The following DAAM1 variants were observed in gnomAD, a reference collection of about 807,000 sequenced individuals.
DAAM1 encodes the protein dishevelled associated activator of morphogenesis 1.
Under a neutral mutation model 130.0 loss-of-function variants are expected in DAAM1, and 52 were observed. That is an observed-to-expected ratio of 0.40 (90% CI 0.32 to 0.50). DAAM1 has a LOEUF of 0.50. DAAM1 is among the 20% of genes least tolerant of loss of function. DAAM1 has a pLI of 0.61. For synonymous variants in DAAM1, 452 were observed against 444.5 expected (o/e 1.02, Z -0.21); for missense variants, 1,134 against 1,303.8 (o/e 0.87, Z 2.01).
At chr14:59,289,256 C>T (rs1004737983) in intron 2 of DAAM1, among the ~76,000 whole-genome samples, 17 of 152,138 alleles carry the variant, frequency 1.1e-4, no homozygotes, top group African/African-American at 3.9e-4. Flanking sequence ...TAGGAACTCA[C>T]TCGCTCATCA....
At chr14:59,216,260 A>G (rs564453905) in intron 1 of DAAM1, among the ~76,000 whole-genome samples, 42 of 152,184 alleles carry the variant, frequency 2.8e-4, no homozygotes, top group Non-Finnish European at 1.3e-4. Context: ...CAGTTTTTCA[A>G]TGTACTGTGT....
intron 22 of DAAM1, 26 bp from the exon 23 acceptor site, chr14:59,363,625 G>A (rs1325582463): frequency 6.2e-6 from 10 of 1,613,434 alleles, no homozygotes; most frequent in Non-Finnish European, 8.5e-6. Context: ...AGCCTGCATT[G>A]ACATTATTCA....
At chr14:59,212,549 G>C (rs1200030396) in intron 1 of DAAM1, among the ~76,000 whole-genome samples, 5 of 152,156 alleles carry the variant, frequency 3.3e-5, no homozygotes, top group Non-Finnish European at 7.4e-5. Flanking sequence ...ACCAATACAG[G>C]AGACATGTTC....
intron 5 of DAAM1, among the ~76,000 whole-genome samples, chr14:59,322,576 A>G (rs1021601677): frequency 4.6e-5 from 7 of 152,068 alleles, no homozygotes; most frequent in Non-Finnish European, 1.0e-4. Context: ...GATGGTTTTA[A>G]TCTAAGACAA....
intron 3 of DAAM1, among the ~76,000 whole-genome samples, chr14:59,303,807 C>T (rs941778352): frequency 5.9e-5 from 9 of 151,784 alleles, no homozygotes; most frequent in South Asian, 4.2e-4. Flanking sequence ...GGTTGAGGCA[C>T]GAGAATTGCT....
intron 3 of DAAM1, among the ~76,000 whole-genome samples, chr14:59,296,650 T>C (rs1183697222): frequency 1.3e-5 from 2 of 152,176 alleles, no homozygotes; most frequent in Non-Finnish European, 2.9e-5. Flanking sequence ...ACAACCATTC[T>C]TTTACCACTT....
In DAAM1 at chr14:59,254,202, A is replaced by G. The variant is rs148175905; in HGVS notation, c.-37-9239A>G. Among the ~76,000 whole-genome samples, 5 of 152,232 alleles carry G rather than the reference A, an allele frequency of 3.3e-5. No individual in the cohort carries two copies. In the East Asian group the frequency reaches 9.6e-4, roughly 29 times the overall value. ...GGTCATTACACCTGGATCATAGAGG[A>G]CCAGAGTGTGTAGAGTACAGGTGAT... is the stretch of plus-strand genomic sequence containing the variant. On this transcript the variant is annotated intron_variant, in intron 1 of 24. Coordinates refer to ENST00000360909, the MANE Select transcript of DAAM1 (RefSeq NM_001270520.2).
At chr14:59,227,216 G>A (rs1888967504) in intron 1 of DAAM1, among the ~76,000 whole-genome samples, 1 of 149,302 alleles carries the variant, frequency 6.7e-6, no homozygotes, top group Non-Finnish European at 1.5e-5. Flanking sequence ...AGTGACTTGT[G>A]TACAGAAATA....
intron 3 of DAAM1, among the ~76,000 whole-genome samples, chr14:59,292,798 T>A (rs1253742016): frequency 6.6e-6 from 1 of 152,128 alleles, no homozygotes; most frequent in African/African-American, 2.4e-5. Flanking sequence ...GCCTTAAGAG[T>A]TCTTAATCCA....
chr14:59,332,872 T>C (rs1015260537), intron 15 of DAAM1, among the ~76,000 whole-genome samples: 3 of 152,172 alleles, frequency 2.0e-5, no homozygotes, highest in African/African-American at 7.2e-5. Context: ...ACACGAATGC[T>C]GGGCCTCTTA....
In DAAM1 at chr14:59,315,259, CT is replaced by C. The variant is rs11347467; in HGVS notation, c.274-14del. On this transcript the variant is annotated intron_variant, in intron 3 of 24. Coordinates refer to ENST00000360909, the MANE Select transcript of DAAM1 (RefSeq NM_001270520.2). Reference sequence around the variant, plus strand: ...TGTGTATATGTTGGGTGGTATGTCACTTTTTTTCCCCCCTTTTTAGGACCAG... The same window carrying C: ...TGTGTATATGTTGGGTGGTATGTCACTTTTTTCCCCCCTTTTTAGGACCAG... 0.061 allele frequency: 98,639 copies of C among 1,613,018 alleles called. 4,778 individuals are homozygous for C. The highest frequency in any genetic ancestry group is 0.26 in the African/African-American group (19,284 of 74,890).
intron 1 of DAAM1, among the ~76,000 whole-genome samples, chr14:59,234,052 G>T (rs1286302478): frequency 6.6e-6 from 1 of 152,054 alleles, no homozygotes; most frequent in Non-Finnish European, 1.5e-5. Context: ...TATAGTTTGA[G>T]GTCAGGTAGC....
intron 23 of DAAM1, among the ~76,000 whole-genome samples, chr14:59,364,614 A>G (rs1342553787): frequency 1.3e-5 from 2 of 151,238 alleles, no homozygotes; most frequent in African/African-American, 4.9e-5. Context: ...CCCATCTCTC[A>G]GTTGCCACAA....
intron 1 of DAAM1, among the ~76,000 whole-genome samples, chr14:59,239,631 C>T (rs372243493): frequency 2.0e-5 from 3 of 152,062 alleles, no homozygotes; most frequent in African/African-American, 4.8e-5. Context: ...GCTTCCCCAC[C>T]GCGCCCCCAC....
intron 1 of DAAM1, among the ~76,000 whole-genome samples, chr14:59,217,206 G>A (rs971458894): frequency 4.0e-5 from 6 of 151,886 alleles, no homozygotes; most frequent in African/African-American, 1.5e-4. Flanking sequence ...TGGAGAGGCA[G>A]CCTGCTTGTC....
intron 17 of DAAM1, among the ~76,000 whole-genome samples, chr14:59,349,917 G>A (rs979952301): frequency 4.6e-5 from 7 of 152,054 alleles, no homozygotes; most frequent in African/African-American, 1.7e-4. Flanking sequence ...AAGTTTGCAG[G>A]GAGAGAGGGG....
intron 1 of DAAM1, among the ~76,000 whole-genome samples, chr14:59,195,036 A>G (rs1383344252): frequency 2.0e-5 from 3 of 152,248 alleles, no homozygotes; most frequent in Admixed American, 1.3e-4. Context: ...GGAAACATGA[A>G]AACAAAAGGC....
intron 19 of DAAM1, among the ~76,000 whole-genome samples, chr14:59,354,907 C>A (rs1173008041): frequency 6.6e-6 from 1 of 152,198 alleles, no homozygotes; most frequent in East Asian, 1.9e-4. Context: ...GATGAGTCAG[C>A]CAAGAAAGGC....
intron 3 of DAAM1, among the ~76,000 whole-genome samples, chr14:59,293,260 T>C (rs4901914): frequency 0.33 from 49,613 of 152,108 alleles, 9,527 homozygotes; most frequent in East Asian, 0.57. Context: ...CCAGATTTTA[T>C]TACACCCTTG....
Sources: allele counts gnomAD v4.1 joint callset (sites outside exome capture counted in the v4.1 genomes callset), GRCh38; gene constraint gnomAD v4.1.1; transcripts MANE v1.5; gene names NCBI Gene and HGNC (gene_info 2026-07-23, HGNC 2026-07-21).